Variants in CALHM5 observed in about 807,000 individuals in gnomAD.
The protein encoded by CALHM5 is calcium homeostasis modulator family member 5.
In CALHM5, 17 loss-of-function variants were observed where a neutral mutation model predicts 20.9. That is an observed-to-expected ratio of 0.82 (90% confidence interval 0.56 to 1.22). The LOEUF (loss-of-function observed/expected upper bound fraction) is 1.22, where lower values mean the gene tolerates loss of function less well. Among genes scored for constraint, CALHM5 ranks in the 50% most tolerant of loss-of-function variants. The pLI is 0.00. For synonymous variants in CALHM5, 148 were observed against 140.0 expected (o/e 1.06, Z -0.40); for missense variants, 360 against 364.6 (o/e 0.99, Z 0.10).
In CALHM5 at chr6:116,520,837, T is replaced by A. The variant is rs1196356468; in HGVS notation, c.*4848T>A. 2 of 152,068 alleles carry A rather than the reference T, an allele frequency of 1.3e-5. No homozygotes were observed. Among genetic ancestry groups the A allele is most frequent in the African/African-American group, 4.8e-5 (2 of 41,408 alleles). The allele number at this position is 152,068 out of a possible 1,614,324, so 9.4% of individuals were successfully genotyped here. A position where few individuals can be genotyped will look rare whatever the true frequency, so the allele number is the denominator to read the frequency against. ...CTGGCTCTCCAGGAAAAAAGAGACA[T>A]CCTAATATGATGTATTTGCCAATAT... On this transcript the variant is annotated 3_prime_UTR_variant, in exon 2 of 2. Transcript: ENST00000368599.
chr6:116,514,589 G>A (rs1772185228), intron 1 of CALHM5, among the ~76,000 whole-genome samples: 1 of 152,160 alleles, frequency 6.6e-6, no homozygotes, highest in Admixed American at 6.5e-5. Context: ...AAGAAACTGA[G>A]ATAAAAAGAA....
rs1772266658 is a variant in CALHM5, at chr6:116,518,337, G to C, written c.*2348G>C. ...CCAGTTGGTATTGGAGAATTGGCCA[G>C]TGTGGGAGAAAACCCACACAGTTGG... On this transcript the variant is annotated 3_prime_UTR_variant, in exon 2 of 2. Transcript: ENST00000368599. The C allele has an allele frequency of 6.6e-6, 1 of 152,226 alleles. No individual in the cohort carries two copies. The highest frequency in any genetic ancestry group is 2.4e-5 in the African/African-American group (1 of 41,460). 9.4% of individuals were successfully genotyped at this position (152,226 alleles called of 1,614,324 possible).
In CALHM5 at chr6:116,511,764, T is replaced by C. The variant is rs1434210499; in HGVS notation, c.68T>C (p.Met23Thr). 6.2e-7 allele frequency: 1 copy of C among 1,614,102 alleles called. No homozygotes were observed. Among genetic ancestry groups the C allele is most frequent in the Non-Finnish European group, 8.5e-7 (1 of 1,179,984 alleles). Residue 23 changes from methionine to threonine, a missense_variant, in exon 1 of 2, where the codon ATG (methionine) becomes ACG (threonine). Transcript: ENST00000368599. ...NQKTVIGYSF[M>T]ALLTVGSERL... ...AAAACTGTTATTGGCTACAGCTTCA[T>C]GGCTCTGCTGACCGTGGGAAGTGAG...
rs756375802 is a variant in CALHM5, at chr6:116,512,055, T to C, written c.359T>C (p.Leu120Pro). 17 of 1,614,010 alleles carry C rather than the reference T, an allele frequency of 1.1e-5. No individual in the cohort carries two copies. The highest frequency in any genetic ancestry group is 1.4e-5 in the Non-Finnish European group (17 of 1,179,984). The change falls in exon 1 of 2, where the codon CTC becomes CCC. Residue 120 changes from leucine (L) to proline (P), a missense_variant. Coordinates refer to ENST00000368599, the MANE Select transcript of CALHM5 (RefSeq NM_153711.5). ...APVMWLSVALLNGTFYECAMS... is the reference protein window; with the variant it reads ...APVMWLSVALPNGTFYECAMS... ...GTGATGTGGCTTTCTGTGGCTCTGC[T>C]CAATGGAACTTTCTATGAATGTGCC...
chr6:116,513,628 A>T (rs913365790), intron 1 of CALHM5, among the ~76,000 whole-genome samples: 1 of 152,230 alleles, frequency 6.6e-6, no homozygotes, highest in Non-Finnish European at 1.5e-5. Context: ...CTGTGGGAAG[A>T]TGCATAAGGA....
rs1405980277 is a variant in CALHM5, at chr6:116,519,263, G to C, written c.*3274G>C. On this transcript the variant is annotated 3_prime_UTR_variant, in exon 2 of 2. Transcript: ENST00000368599. ...ATATTAGCAGGATAAACACAAGAAA[G>C]AATGCAGTTACAAGTGGAGTCTCAA... 6.6e-6 allele frequency: 1 copy of C among 152,220 alleles called. No individual in the cohort carries two copies. Among genetic ancestry groups the C allele is most frequent in the Non-Finnish European group, 1.5e-5 (1 of 68,038 alleles). 9.4% of individuals were successfully genotyped at this position (152,220 alleles called of 1,614,324 possible).
At chr6:116,515,534 A>G (rs548260108) in intron 1 of CALHM5, 66 bp from the exon 2 acceptor site, 4 of 1,499,112 alleles carry the variant, frequency 2.7e-6, no homozygotes, top group Admixed American at 2.2e-5. Flanking sequence ...ACACTTCTCA[A>G]TAATACCCCA....
chr6:116,516,186 C>T lies in CALHM5; in HGVS notation c.*197C>T. 1 of 604,550 alleles carries T rather than the reference C, an allele frequency of 1.7e-6. No homozygotes were observed. Among genetic ancestry groups the T allele is most frequent in the Non-Finnish European group, 2.5e-6 (1 of 392,786 alleles). 37.4% of individuals were successfully genotyped at this position (604,550 alleles called of 1,614,324 possible). A position where few individuals can be genotyped will look rare whatever the true frequency, so the allele number is the denominator to read the frequency against. On this transcript the variant is annotated 3_prime_UTR_variant, in exon 2 of 2. Transcript: ENST00000368599. The stretch of plus-strand genomic sequence containing the variant: ...TGCTCAAATTGATGCTGAGGGGTGA[C>T]AAAGGTGCTCTTGCATTGGTGGAGA...
Position 116,522,364 on chromosome 6 carries a change from A to T in CALHM5, c.*6375A>T, listed in dbSNP as rs2115174907. 6.6e-6 allele frequency: 1 copy of T among 152,374 alleles called. No individual in the cohort carries two copies. Among genetic ancestry groups the T allele is most frequent in the East Asian group, 1.9e-4 (1 of 5,192 alleles). The allele number at this position is 152,374 out of a possible 1,614,324, so 9.4% of individuals were successfully genotyped here. On this transcript the variant is annotated 3_prime_UTR_variant, in exon 2 of 2. Transcript: ENST00000368599. Reference sequence around the variant, plus strand: ...GCTTTAAGCCACTGAATTTTGGGGCAATATGAAGCGACAGAACCTGAACAC... The same window carrying T: ...GCTTTAAGCCACTGAATTTTGGGGCTATATGAAGCGACAGAACCTGAACAC...
rs935894716 is a variant in CALHM5 at position 116,516,309 on chromosome 6, G to A, written c.*320G>A. 4 of 207,808 alleles carry A rather than the reference G, an allele frequency of 1.9e-5. No homozygotes were observed. The highest frequency in any genetic ancestry group is 9.2e-5 in the African/African-American group (4 of 43,508). 12.9% of individuals were successfully genotyped at this position (207,808 alleles called of 1,614,324 possible). A position where few individuals can be genotyped will look rare whatever the true frequency, so the allele number is the denominator to read the frequency against. On this transcript the variant is annotated 3_prime_UTR_variant, in exon 2 of 2. Transcript: ENST00000368599. ...GGCTCATCAGTCTCTGTAAATATTG[G>A]TTGCAGAATTTAGGGGCAGAAGCAA...
In CALHM5 at chr6:116,519,835, A is replaced by G. The variant is rs997371036; in HGVS notation, c.*3846A>G. ...CCATGAATAAATTGTGTACACATAT[A>G]TATATGATTCTTTTGTTTTTCCTGT... On this transcript the variant is annotated 3_prime_UTR_variant, in exon 2 of 2. Coordinates refer to ENST00000368599, the MANE Select transcript of CALHM5 (RefSeq NM_153711.5). The G allele has an allele frequency of 1.3e-5, 2 of 152,188 alleles. No individual in the cohort carries two copies. The highest frequency in any genetic ancestry group is 2.9e-5 in the Non-Finnish European group (2 of 68,024). 9.4% of individuals were successfully genotyped at this position (152,188 alleles called of 1,614,324 possible).
At chr6:116,512,985 G>A (rs1434260220) in intron 1 of CALHM5, among the ~76,000 whole-genome samples, 1 of 152,164 alleles carries the variant, frequency 6.6e-6, no homozygotes, top group African/African-American at 2.4e-5. Flanking sequence ...ATGCAGGGAA[G>A]TAGCCTGTCA....
In CALHM5 at chr6:116,517,667, T is replaced by G. The variant is rs1202083169; in HGVS notation, c.*1678T>G. The G allele has an allele frequency of 6.6e-6, 1 of 152,200 alleles. No homozygotes were observed. Among genetic ancestry groups the G allele is most frequent in the African/African-American group, 2.4e-5 (1 of 41,454 alleles). The allele number at this position is 152,200 out of a possible 1,614,324, so 9.4% of individuals were successfully genotyped here. A position where few individuals can be genotyped will look rare whatever the true frequency, so the allele number is the denominator to read the frequency against. ...CTTCCTATTCCTGGTGCAGAGCTCC[T>G]AAAACCTTTGGGACCTCCCAAGTGA... On this transcript the variant is annotated 3_prime_UTR_variant, in exon 2 of 2. Coordinates refer to ENST00000368599, the MANE Select transcript of CALHM5 (RefSeq NM_153711.5).
At position 116,516,691 on chromosome 6, in the gene CALHM5, A is replaced by ATC. The variant is rs1772233893; in HGVS notation, c.*703_*704insCT. 2 of 141,848 alleles carry ATC rather than the reference A, an allele frequency of 1.4e-5. No individual in the cohort carries two copies. The allele number at this position is 141,848 out of a possible 1,614,324, so 8.8% of individuals were successfully genotyped here. A position where few individuals can be genotyped will look rare whatever the true frequency, so the allele number is the denominator to read the frequency against. On this transcript the variant is annotated 3_prime_UTR_variant, in exon 2 of 2. Transcript: ENST00000368599. ...TATATATATATATATATATATATAT[A>ATC]TATATATATATATATATACACACAC...
chr6:116,512,255 G>A lies in CALHM5; in HGVS notation c.540+19G>A, dbSNP rs373630647. 117 of 1,575,232 alleles carry A rather than the reference G, an allele frequency of 7.4e-5. No individual in the cohort carries two copies. The African/African-American group carries it at 1.5e-3, about 20-fold the overall frequency. The stretch of plus-strand genomic sequence containing the variant: ...GTCTCAGGTAAGAAAAGACAAACTC[G>A]CCTTTTTCTCTCAGCATGAGCTCGA... On this transcript the variant is annotated intron_variant, in intron 1 of 1. Transcript: ENST00000368599.
At position 116,515,513 on chromosome 6, in the gene CALHM5, A is replaced by C. The variant is rs1324999466; in HGVS notation, c.541-87A>C. 7 of 1,352,218 alleles carry C rather than the reference A, an allele frequency of 5.2e-6. No homozygotes were observed. The Admixed American group carries it at 1.6e-4, about 31-fold the overall frequency. 83.8% of individuals were successfully genotyped at this position (1,352,218 alleles called of 1,614,324 possible). Reference sequence around the variant, plus strand: ...GAGGTATGTCAAAGACTGTGGTAATAATTTAGCTATACACTTCTCAATAAT... The same window carrying C: ...GAGGTATGTCAAAGACTGTGGTAATCATTTAGCTATACACTTCTCAATAAT... On this transcript the variant is annotated intron_variant, in intron 1 of 1. Coordinates refer to ENST00000368599, the MANE Select transcript of CALHM5 (RefSeq NM_153711.5).
In CALHM5 at chr6:116,524,181, T is replaced by G. The variant is rs1772401789; in HGVS notation, c.*8192T>G. ...TTTAAAATACTCTAGAAAAAAGAGT[T>G]TAGGGAGAAAGCTGAAAGATGAAAT... On this transcript the variant is annotated 3_prime_UTR_variant, in exon 2 of 2. Transcript: ENST00000368599. 1 of 147,008 alleles carries G rather than the reference T, an allele frequency of 6.8e-6. No homozygotes were observed. Among genetic ancestry groups the G allele is most frequent in the Admixed American group, 6.9e-5 (1 of 14,596 alleles). The allele number at this position is 147,008 out of a possible 1,614,324, so 9.1% of individuals were successfully genotyped here. A position where few individuals can be genotyped will look rare whatever the true frequency, so the allele number is the denominator to read the frequency against.
Position 116,517,776 on chromosome 6 carries a change from C to T in CALHM5, c.*1787C>T, listed in dbSNP as rs982657543. The T allele has an allele frequency of 6.6e-6, 1 of 152,114 alleles. No individual in the cohort carries two copies. Among genetic ancestry groups the T allele is most frequent in the Non-Finnish European group, 1.5e-5 (1 of 68,026 alleles). 9.4% of individuals were successfully genotyped at this position (152,114 alleles called of 1,614,324 possible). ...GAATAGGGTCTGGTTGCCACGGGAACCAACCATGTGTTTAGAGGGTTGGAA... is the reference window on the plus strand; with the variant it reads ...GAATAGGGTCTGGTTGCCACGGGAATCAACCATGTGTTTAGAGGGTTGGAA... On this transcript the variant is annotated 3_prime_UTR_variant, in exon 2 of 2. Coordinates refer to ENST00000368599, the MANE Select transcript of CALHM5 (RefSeq NM_153711.5).
In CALHM5 at chr6:116,522,492, T is replaced by C. The variant is rs897557520; in HGVS notation, c.*6503T>C. On this transcript the variant is annotated 3_prime_UTR_variant, in exon 2 of 2. Coordinates refer to ENST00000368599, the MANE Select transcript of CALHM5 (RefSeq NM_153711.5). ...GCATAGAGAGCATTTTCTTCAATCA[T>C]GTTTTCTTTTTCTTTAGGTTCCAGT... is the stretch of plus-strand genomic sequence containing the variant. 13 of 152,234 alleles carry C rather than the reference T, an allele frequency of 8.5e-5. No homozygotes were observed. Among genetic ancestry groups the C allele is most frequent in the African/African-American group, 3.1e-4 (13 of 41,460 alleles). 9.4% of individuals were successfully genotyped at this position (152,234 alleles called of 1,614,324 possible).
Sources: allele counts gnomAD v4.1 joint callset (sites outside exome capture counted in the v4.1 genomes callset), GRCh38; gene constraint gnomAD v4.1.1; transcripts MANE v1.5; gene names NCBI Gene and HGNC (gene_info 2026-07-23, HGNC 2026-07-21).